RPL17: variants seen among roughly 807,000 people sequenced by gnomAD.
The protein encoded by RPL17 is ribosomal protein L17.
RPL17 carries 2 observed loss-of-function variants against 27.7 expected under a neutral mutation model. The observed-to-expected ratio is 0.07, with a 90% CI of 0.03 to 0.23. The LOEUF (loss-of-function observed/expected upper bound fraction) is 0.23, where lower values mean the gene tolerates loss of function less well. Ranked by LOEUF, RPL17 falls within the 10% of genes least tolerant of loss-of-function variation. The probability of loss-of-function intolerance (pLI) is 1.00; values close to 1 mark genes in which losing one functional copy is unlikely to be tolerated. For missense variants in RPL17, 141 were observed against 238.8 expected (o/e 0.59, Z 2.70); for synonymous variants, 76 against 75.5 (o/e 1.01, Z -0.03).
chr18:49,490,399 C>G, intron 5 of RPL17, 55 bp downstream of exon 5: 1 of 1,576,668 alleles, frequency 6.3e-7, no homozygotes, highest in Non-Finnish European at 8.7e-7. Context: ...ATCTGAACAG[C>G]CAACATTAAT....
chr18:49,492,017 C>A, intron 1 of RPL17: 1 of 343,662 alleles, frequency 2.9e-6, no homozygotes, highest in South Asian at 2.3e-5. Flanking sequence ...CACCTTCGGG[C>A]TATGACCCAC....
chr18:49,490,708 C>G, intron 4 of RPL17, 85 bp downstream of exon 4: 1 of 1,600,644 alleles, frequency 6.2e-7, no homozygotes, highest in Non-Finnish European at 8.5e-7. Flanking sequence ...ATAGGTTCAT[C>G]AGCACAGATC....
rs367940415 is a variant in RPL17 at position 49,490,538 on chromosome 18, G to T, written c.231C>A (p.Gly77=). Reference sequence around the variant, plus strand: ...TTTTGGGCCACCGACCTTGTGTCCAGCCCCATTGCTTGGCCTGAAAGAAAA... The same window carrying T: ...TTTTGGGCCACCGACCTTGTGTCCATCCCCATTGCTTGGCCTGAAAGAAAA... ...VGRCAQAKQW[G]WTQGRWPKKS... is the part of the protein sequence containing the mutation. The change falls in exon 5 of 7, where the codon GGC becomes GGA. Residue 77 remains glycine, a synonymous_variant. Transcript: ENST00000580261. The T allele has an allele frequency of 1.2e-6, 2 of 1,613,824 alleles. No homozygotes were observed. The highest frequency in any genetic ancestry group is 2.7e-5 in the African/African-American group (2 of 74,894).
chr18:49,491,117 CATTT>C (rs1276801073), intron 3 of RPL17, 190 bp from the exon 4 acceptor site: 14 of 967,754 alleles, frequency 1.4e-5, no homozygotes, highest in Admixed American at 2.2e-5. Context: ...TCCAAAACTC[CATTT>C]ATTCACTATA....
chr18:49,488,630 G>A (rs1021104149), intron 6 of RPL17, 64 bp from the exon 7 acceptor site: 2 of 965,924 alleles, frequency 2.1e-6, no homozygotes, highest in Non-Finnish European at 3.4e-6. Context: ...GAGGACTTCA[G>A]CTTATTCTGG....
At chr18:49,491,880 A>C (rs973585985) in intron 1 of RPL17, 11 of 512,624 alleles carry the variant, frequency 2.1e-5, no homozygotes, top group South Asian at 1.9e-4. Context: ...TGGATCTTCC[A>C]GGCGTAAAAT....
At position 49,491,489 on chromosome 18, in the gene RPL17, A is replaced by G. The variant is rs761459883; in HGVS notation, c.40+43T>C. On this transcript the variant is annotated intron_variant, in intron 2 of 6. Transcript: ENST00000580261. ...TGGTTAATTTTTGGTATCTTATGCC[A>G]AGCCCCAAGTAGGAAATGGGTATCT... is the stretch of plus-strand genomic sequence containing the variant. 7 of 1,614,052 alleles carry G rather than the reference A, an allele frequency of 4.3e-6. No individual in the cohort carries two copies. In the African/African-American group the frequency reaches 5.3e-5, roughly 12 times the overall value.
chr18:49,491,364 G>A, intron 3 of RPL17, 41 bp downstream of exon 3: 1 of 1,613,920 alleles, frequency 6.2e-7, no homozygotes, highest in Non-Finnish European at 8.5e-7. Context: ...TTTTTGAGTG[G>A]AACATGAGGA....
chr18:49,491,659 G>T (rs376271006), intron 1 of RPL17, 75 bp from the exon 2 acceptor site: 3 of 1,529,238 alleles, frequency 2.0e-6, no homozygotes, highest in Middle Eastern at 3.4e-4. Flanking sequence ...CAGATGATTC[G>T]AACAGCTGCT....
intron 2 of RPL17, 36 bp downstream of exon 2, chr18:49,491,496 A>C: frequency 6.2e-7 from 1 of 1,614,186 alleles, no homozygotes; most frequent in Non-Finnish European, 8.5e-7. Context: ...GCCAAGCCCC[A>C]AGTAGGAAAT....
chr18:49,492,201 C>G (rs1004731249), intron 1 of RPL17: 4 of 155,020 alleles, frequency 2.6e-5, no homozygotes, highest in African/African-American at 9.6e-5. Flanking sequence ...GCCGGCGCCC[C>G]CACCAGTGGA....
At chr18:49,489,572 A>G (rs765738972) in intron 5 of RPL17, 22 bp from the exon 6 acceptor site, 7 of 1,598,054 alleles carry the variant, frequency 4.4e-6, no homozygotes, top group Non-Finnish European at 5.9e-6. Flanking sequence ...AGGAAGGAGA[A>G]TGAAACCAGG....
intron 6 of RPL17, 42 bp downstream of exon 6, chr18:49,489,317 C>A: frequency 1.9e-6 from 3 of 1,607,522 alleles, no homozygotes; most frequent in South Asian, 2.2e-5. Flanking sequence ...AACCACAAAT[C>A]TTTCTACTAT....
Position 49,489,484 on chromosome 18 carries a change from G to C in RPL17, c.382C>G (p.Arg128Gly). The C allele has an allele frequency of 6.2e-7, 1 of 1,603,718 alleles. No homozygotes were observed. The highest frequency in any genetic ancestry group is 8.5e-7 in the Non-Finnish European group (1 of 1,179,854). ...QVNKAPKMRR[R>G]TYRAHGRINP... ...ATCCGACCATGAGCTCTGTAGGTCCGGCGGCGCATCTTAGGTGCTTTGTTC... is the reference window on the plus strand; with the variant it reads ...ATCCGACCATGAGCTCTGTAGGTCCCGCGGCGCATCTTAGGTGCTTTGTTC... The change falls in exon 6 of 7, where the codon CGG becomes GGG. Residue 128 changes from arginine (R) to glycine (G), a missense_variant. Transcript: ENST00000580261.
chr18:49,490,627 T>C, intron 4 of RPL17, 75 bp from the exon 5 acceptor site: 1 of 1,604,300 alleles, frequency 6.2e-7, no homozygotes, highest in South Asian at 1.1e-5. Flanking sequence ...ATTTATCTGA[T>C]ATCACGGTTT....
At chr18:49,491,505 A>G (rs753012039) in intron 2 of RPL17, 27 bp downstream of exon 2, 2 of 1,614,198 alleles carry the variant, frequency 1.2e-6, no homozygotes, top group Non-Finnish European at 8.5e-7. Context: ...CAAGTAGGAA[A>G]TGGGTATCTA....
chr18:49,490,192 A>G, intron 5 of RPL17: 1 of 398,072 alleles, frequency 2.5e-6, no homozygotes, highest in South Asian at 3.0e-5. Flanking sequence ...CCAGTGTAAA[A>G]AGACAGCAGA....
rs1409827723 is a variant in RPL17, at chr18:49,489,516, A to G, written c.350T>C (p.Ile117Thr). ...LDVDSLVIEH[I>T]QVNKAPKMRR... Reference sequence around the variant, plus strand: ...CATCTTAGGTGCTTTGTTCACTTGGATATGCTCAATGACCAGAGAATCTAC... The same window carrying G: ...CATCTTAGGTGCTTTGTTCACTTGGGTATGCTCAATGACCAGAGAATCTAC... Residue 117 changes from isoleucine to threonine, a missense_variant, in exon 6 of 7, where the codon ATC (isoleucine) becomes ACC (threonine). Physicochemically the swap from Ile to Thr is moderately conservative, Grantham distance 89. Transcript: ENST00000580261. 3 of 1,601,062 alleles carry G rather than the reference A, an allele frequency of 1.9e-6. No individual in the cohort carries two copies. The East Asian group carries it at 6.7e-5, about 36-fold the overall frequency.
At position 49,489,030 on chromosome 18, in the gene RPL17, C is replaced by G. The variant is rs2083864901; in HGVS notation, c.507+329G>C. 1.6e-5 allele frequency: 4 copies of G among 252,870 alleles called. 1 individual carries two copies. In the South Asian group the frequency reaches 1.9e-4, roughly 12 times the overall value. 15.7% of individuals were successfully genotyped at this position (252,870 alleles called of 1,614,324 possible). A position where few individuals can be genotyped will look rare whatever the true frequency, so the allele number is the denominator to read the frequency against. On this transcript the variant is annotated intron_variant, in intron 6 of 6. Coordinates refer to ENST00000580261, the MANE Select transcript of RPL17 (RefSeq NM_001035006.5). ...TCTCCTGCCTCAGCCTCCTGAGTAG[C>G]TGGGACTACAGATACCCGCCACCAC...
Sources: allele counts gnomAD v4.1 joint callset, GRCh38; gene constraint gnomAD v4.1.1; transcripts MANE v1.5; gene names NCBI Gene and HGNC (gene_info 2026-07-23, HGNC 2026-07-21).